SYN2: variants seen among roughly 807,000 people sequenced by gnomAD.
SYN2 encodes synapsin-2.
In SYN2, 19 loss-of-function variants were observed where a neutral mutation model predicts 50.9. The ratio of observed to expected loss-of-function variants is 0.37; its 90% confidence interval spans 0.26 to 0.55. The LOEUF (loss-of-function observed/expected upper bound fraction) is 0.55, where lower values mean the gene tolerates loss of function less well. Ranked by LOEUF, SYN2 falls within the 20% of genes least tolerant of loss-of-function variation. The pLI is 0.81. For synonymous variants in SYN2, 255 were observed against 224.9 expected (o/e 1.13, Z -1.20); for missense variants, 587 against 576.4 (o/e 1.02, Z -0.19).
At chr3:12,144,963 G>A (rs1280080971) in intron 3 of SYN2, among the ~76,000 whole-genome samples, 10 of 152,074 alleles carry the variant, frequency 6.6e-5, no homozygotes, top group Admixed American at 2.0e-4. Flanking sequence ...CCTGGGAGGC[G>A]GAGGTTGCAA....
intron 1 of SYN2, among the ~76,000 whole-genome samples, chr3:12,046,316 GA>G (rs1694737613): frequency 6.6e-6 from 1 of 152,144 alleles, no homozygotes; most frequent in African/African-American, 2.4e-5. Context: ...GGTAAATAAG[GA>G]GAGCAACATC....
chr3:12,108,777 T>C (rs1696254829), intron 1 of SYN2, among the ~76,000 whole-genome samples: 1 of 149,392 alleles, frequency 6.7e-6, no homozygotes, highest in South Asian at 2.2e-4. Flanking sequence ...CTTTCATAAA[T>C]TATTTAGTCT....
At chr3:12,023,951 C>G (rs1694200614) in intron 1 of SYN2, among the ~76,000 whole-genome samples, 1 of 151,994 alleles carries the variant, frequency 6.6e-6, no homozygotes, top group South Asian at 2.1e-4. Context: ...GACCCTCAAT[C>G]TGTTATTGCT....
At chr3:12,116,543 T>C (rs996712501) in intron 1 of SYN2, among the ~76,000 whole-genome samples, 11 of 152,174 alleles carry the variant, frequency 7.2e-5, no homozygotes, top group Non-Finnish European at 1.2e-4. Context: ...TCAGTAGTTA[T>C]CATTCTCACA....
At chr3:12,075,897 A>G (rs1574926094) in intron 1 of SYN2, among the ~76,000 whole-genome samples, 1 of 152,204 alleles carries the variant, frequency 6.6e-6, no homozygotes, top group Admixed American at 6.6e-5. Flanking sequence ...TGATAATATT[A>G]CCAGCCAATA....
intron 1 of SYN2, among the ~76,000 whole-genome samples, chr3:12,043,459 C>T (rs1330669690): frequency 2.0e-5 from 3 of 152,022 alleles, no homozygotes; most frequent in Admixed American, 1.3e-4. Context: ...CTATATAACC[C>T]GGTATATTTT....
chr3:12,060,154 G>C (rs1296666135), intron 1 of SYN2, among the ~76,000 whole-genome samples: 2 of 152,166 alleles, frequency 1.3e-5, no homozygotes, highest in Admixed American at 6.6e-5. Context: ...ATTGCTGAAG[G>C]TTGTTTATGG....
chr3:12,007,753 C>T (rs1006520552), intron 1 of SYN2, among the ~76,000 whole-genome samples: 2 of 152,158 alleles, frequency 1.3e-5, no homozygotes, highest in African/African-American at 4.8e-5. Context: ...AAATAAGCAG[C>T]CTCTCAGAGC....
intron 10 of SYN2, among the ~76,000 whole-genome samples, chr3:12,174,066 C>T (rs1436935047): frequency 3.3e-5 from 5 of 152,128 alleles, no homozygotes; most frequent in East Asian, 1.9e-4. Flanking sequence ...GGTTTTCATT[C>T]TACATCATTG....
intron 1 of SYN2, among the ~76,000 whole-genome samples, chr3:12,026,066 C>G (rs1438569593): frequency 6.6e-6 from 1 of 152,104 alleles, no homozygotes; most frequent in East Asian, 1.9e-4. Flanking sequence ...ACCACATTTT[C>G]CTTGTCTTGG....
At chr3:12,110,181 C>G (rs754673958) in intron 1 of SYN2, among the ~76,000 whole-genome samples, 1 of 152,148 alleles carries the variant, frequency 6.6e-6, no homozygotes, top group Non-Finnish European at 1.5e-5. Context: ...GAGGGAGACC[C>G]TGTCTAAAAA....
At chr3:12,058,132 G>A (rs781241974) in intron 1 of SYN2, among the ~76,000 whole-genome samples, 5 of 152,270 alleles carry the variant, frequency 3.3e-5, no homozygotes, top group Middle Eastern at 6.8e-3. Flanking sequence ...TAAGGACACT[G>A]TAGATAAGTA....
intron 1 of SYN2, among the ~76,000 whole-genome samples, chr3:12,066,553 A>T (rs1227248806): frequency 6.6e-6 from 1 of 152,144 alleles, no homozygotes; most frequent in Non-Finnish European, 1.5e-5. Flanking sequence ...ATGCAAACTG[A>T]ATATTTGCAT....
In SYN2 at chr3:12,064,154, G is replaced by A. The variant is rs1471141868; in HGVS notation, c.377+59226G>A. Among the ~76,000 whole-genome samples, 11 of 151,934 alleles carry A rather than the reference G, an allele frequency of 7.2e-5. No individual in the cohort carries two copies. The East Asian group carries it at 1.5e-3, about 21-fold the overall frequency. On this transcript the variant is annotated intron_variant, in intron 1 of 12. Coordinates refer to ENST00000621198, the MANE Select transcript of SYN2 (RefSeq NM_133625.6). ...CTCAAACCCATAACTCTAACTTTGA[G>A]AAAAACATTAGATAAAGACCAGTTG...
intron 1 of SYN2, among the ~76,000 whole-genome samples, chr3:12,085,371 ACACACACACG>A (rs775331851): frequency 5.5e-5 from 5 of 91,030 alleles, no homozygotes; most frequent in African/African-American, 1.7e-4. Flanking sequence ...ACACACACAC[ACACACACACG>A]CACGCACGCA....
intron 1 of SYN2, among the ~76,000 whole-genome samples, chr3:12,082,535 T>G (rs1404800611): frequency 6.6e-6 from 1 of 152,168 alleles, no homozygotes; most frequent in Admixed American, 6.5e-5. Context: ...TTCTGCAAAG[T>G]TTGGTATTAG....
intron 1 of SYN2, among the ~76,000 whole-genome samples, chr3:12,039,327 C>G (rs1012016527): frequency 2.6e-5 from 4 of 152,086 alleles, no homozygotes; most frequent in Non-Finnish European, 5.9e-5. Context: ...CTGGGGCTTT[C>G]CACAAAGTGT....
chr3:12,164,984 C>CTTTT (rs68043865), intron 7 of SYN2, among the ~76,000 whole-genome samples: 284 of 91,756 alleles, frequency 3.1e-3, no homozygotes, highest in Non-Finnish European at 3.8e-3. Context: ...TTTTTCTTTT[C>CTTTT]TTTTTTTTTT....
chr3:12,044,211 A>ACC (rs34105414), intron 1 of SYN2, among the ~76,000 whole-genome samples: 5 of 146,784 alleles, frequency 3.4e-5, no homozygotes, highest in African/African-American at 1.2e-4. Flanking sequence ...ACACACACAC[A>ACC]CACACACACA....
Sources: allele counts gnomAD v4.1 joint callset (sites outside exome capture counted in the v4.1 genomes callset), GRCh38; gene constraint gnomAD v4.1.1; transcripts MANE v1.5; gene names NCBI Gene and HGNC (gene_info 2026-07-23, HGNC 2026-07-21).